The following LARGE1 variants were observed in gnomAD, a reference collection of about 807,000 sequenced individuals.
LARGE1 encodes the protein LARGE xylosyl- and glucuronyltransferase 1, also known as xylosyl- and glucuronyltransferase LARGE1.
In LARGE1, 43 loss-of-function variants were observed where a neutral mutation model predicts 87.6. The ratio of observed to expected loss-of-function variants is 0.49; its 90% CI spans 0.38 to 0.63. LARGE1 has a LOEUF of 0.63. LARGE1 is among the 30% of genes least tolerant of loss of function. The pLI is 0.00. For missense variants in LARGE1, 802 were observed against 1,000.2 expected, an observed-to-expected ratio of 0.80 and a Z score of 2.67; for synonymous variants, 434 against 394.6, an observed-to-expected ratio of 1.10 and a Z score of -1.18.
chr22:33,231,606 A>G (rs916209566), intron 11 of LARGE1, among the ~76,000 whole-genome samples: 2 of 152,238 alleles, frequency 1.3e-5, no homozygotes, highest in Non-Finnish European at 1.5e-5. Context: ...AAGAGAAGGC[A>G]TTTAAATGAA....
intron 2 of LARGE1, among the ~76,000 whole-genome samples, chr22:33,758,378 A>C (rs975239464): frequency 1.3e-5 from 2 of 152,206 alleles, no homozygotes; most frequent in Non-Finnish European, 2.9e-5. Context: ...CCACAAATAC[A>C]AATGCGGCAG....
At chr22:33,656,167 T>G (rs544637912) in intron 2 of LARGE1, among the ~76,000 whole-genome samples, 1 of 152,064 alleles carries the variant, frequency 6.6e-6, no homozygotes, top group African/African-American at 2.4e-5. Flanking sequence ...GATAAAGACA[T>G]AGCCGAGACT....
At chr22:33,215,169 T>G (rs137455) in intron 11 of LARGE1, among the ~76,000 whole-genome samples, 6,626 of 152,268 alleles carry the variant, frequency 0.044, 203 homozygotes, top group Admixed American at 0.09. Flanking sequence ...AAAATGTGCT[T>G]CTTTCTTTAT....
intron 11 of LARGE1, among the ~76,000 whole-genome samples, chr22:33,206,101 C>T (rs1448643578): frequency 6.6e-6 from 1 of 151,982 alleles, no homozygotes; most frequent in East Asian, 1.9e-4. Context: ...ACTACAGGCG[C>T]CCGCCACCAC....
intron 9 of LARGE1, among the ~76,000 whole-genome samples, chr22:33,378,810 T>G (rs1195979068): frequency 6.6e-6 from 1 of 152,322 alleles, no homozygotes; most frequent in African/African-American, 2.4e-5. Context: ...CAGTTGCAAA[T>G]CCCAGTCTCC....
chr22:33,077,650 C>A, the LARGE1 span, among the ~76,000 whole-genome samples: 1 of 152,118 alleles, frequency 6.6e-6, no homozygotes, highest in Admixed American at 6.5e-5. Context: ...TTTGTGCATG[C>A]CTTTTCCAAT....
intron 1 of LARGE1, among the ~76,000 whole-genome samples, chr22:33,834,872 A>G (rs951526151): frequency 6.6e-6 from 1 of 152,246 alleles, no homozygotes; most frequent in African/African-American, 2.4e-5. Flanking sequence ...TATGAAAAAA[A>G]TCAGGCAGAG....
At chr22:33,313,504 C>T (rs565008003) in intron 11 of LARGE1, among the ~76,000 whole-genome samples, 48 of 152,356 alleles carry the variant, frequency 3.2e-4, no homozygotes, top group African/African-American at 9.1e-4. Context: ...CCTGTGTTAT[C>T]GCCCTCTTGG....
intron 6 of LARGE1, among the ~76,000 whole-genome samples, chr22:33,543,757 C>G (rs1479411264): frequency 6.6e-6 from 1 of 152,222 alleles, no homozygotes; most frequent in Non-Finnish European, 1.5e-5. Context: ...TTCAAGCTCT[C>G]AGATCTGTTT....
intron 1 of LARGE1, among the ~76,000 whole-genome samples, chr22:33,882,350 A>C (rs2064721600): frequency 6.6e-6 from 1 of 152,142 alleles, no homozygotes; most frequent in African/African-American, 2.4e-5. Context: ...GCCTTCTATG[A>C]AATGAAAAAA....
intron 1 of LARGE1, among the ~76,000 whole-genome samples, chr22:33,821,093 A>ATATC: frequency 6.6e-6 from 1 of 152,276 alleles, no homozygotes; most frequent in South Asian, 2.1e-4. Context: ...GAACAAACAA[A>ATATC]TATCTCTGTC....
At chr22:33,753,320 G>A (rs1211282443) in intron 2 of LARGE1, among the ~76,000 whole-genome samples, 25 of 152,182 alleles carry the variant, frequency 1.6e-4, no homozygotes. Context: ...GTTAGCATCA[G>A]AGAGAAAGAT....
chr22:33,891,647 A>C (rs1020979962), intron 1 of LARGE1, among the ~76,000 whole-genome samples: 3 of 152,192 alleles, frequency 2.0e-5, no homozygotes, highest in African/African-American at 7.2e-5. Flanking sequence ...ATACCTATAA[A>C]ATGCTTAGCA....
chr22:33,575,823 C>T (rs1471224724), intron 5 of LARGE1, among the ~76,000 whole-genome samples: 1 of 152,178 alleles, frequency 6.6e-6, no homozygotes, highest in Non-Finnish European at 1.5e-5. Context: ...GTCCCTCCTC[C>T]TATCGGTGGC....
intron 11 of LARGE1, among the ~76,000 whole-genome samples, chr22:33,248,588 A>C (rs182539254): frequency 6.6e-6 from 1 of 152,354 alleles, no homozygotes; most frequent in African/African-American, 2.4e-5. Context: ...CCCAAAGTGC[A>C]TAGTTTAGAG....
intron 6 of LARGE1, among the ~76,000 whole-genome samples, chr22:33,508,091 A>C (rs1327673890): frequency 6.6e-6 from 1 of 152,228 alleles, no homozygotes; most frequent in Non-Finnish European, 1.5e-5. Flanking sequence ...ACCTTGCACA[A>C]CTAAACATCT....
At chr22:33,147,454 A>G in the LARGE1 span, among the ~76,000 whole-genome samples, 1 of 152,230 alleles carries the variant, frequency 6.6e-6, no homozygotes, top group African/African-American at 2.4e-5. Context: ...GTGAGTTTAT[A>G]GAGTATAATT....
At position 33,426,918 on chromosome 22, in the gene LARGE1, T is replaced by G. The variant is rs2066901450; in HGVS notation, c.892+5243A>C. On this transcript the variant is annotated intron_variant, in intron 7 of 14. Transcript: ENST00000397394. ...ACGCACCTTGTGCTTGAGTCGCCTT[T>G]GGGGTCCCATGCAAATAAACCTATC... Among the ~76,000 whole-genome samples, 8 of 152,366 alleles carry G rather than the reference T, an allele frequency of 5.3e-5. 1 individual carries two copies. In the South Asian group the frequency reaches 1.7e-3, roughly 32 times the overall value.
intron 11 of LARGE1, among the ~76,000 whole-genome samples, chr22:33,234,229 A>T (rs62232874): frequency 0.032 from 4,932 of 152,332 alleles, 119 homozygotes; most frequent in Non-Finnish European, 0.049. Flanking sequence ...AGACAATGGT[A>T]TATTAAACAC....
Sources: allele counts gnomAD v4.1 joint callset (sites outside exome capture counted in the v4.1 genomes callset), GRCh38; gene constraint gnomAD v4.1.1; transcripts MANE v1.5; gene names NCBI Gene and HGNC (gene_info 2026-07-23, HGNC 2026-07-21).